PRR16: variants seen among roughly 807,000 people sequenced by gnomAD.
The protein encoded by PRR16 is protein Largen.
A neutral mutation model predicts 18.2 loss-of-function variants in PRR16; 6 were observed. The observed-to-expected ratio is 0.33, with a 90% CI of 0.18 to 0.65. PRR16 has a LOEUF of 0.65. PRR16 is among the 30% of genes least tolerant of loss of function. PRR16 has a pLI of 0.74. For synonymous variants in PRR16, 151 were observed against 147.8 expected, an observed-to-expected ratio of 1.02 and a Z score of -0.16; for missense variants, 412 against 376.6, an observed-to-expected ratio of 1.09 and a Z score of -0.78.
the PRR16 span, among the ~76,000 whole-genome samples, chr5:120,791,245 TATTA>T: frequency 1.3e-5 from 2 of 152,138 alleles, no homozygotes; most frequent in African/African-American, 4.8e-5. Flanking sequence ...GCTTTTGTCA[TATTA>T]ATTCAGAACT....
the PRR16 span, among the ~76,000 whole-genome samples, chr5:120,763,499 C>A: frequency 6.6e-6 from 1 of 152,096 alleles, no homozygotes; most frequent in Non-Finnish European, 1.5e-5. Context: ...GTGATACTTA[C>A]AGTTTTGTCC....
chr5:120,762,202 T>G, the PRR16 span, among the ~76,000 whole-genome samples: 1 of 152,180 alleles, frequency 6.6e-6, no homozygotes, highest in African/African-American at 2.4e-5. Flanking sequence ...CACTTTGATA[T>G]GTTAATTTCC....
chr5:120,763,084 G>C, the PRR16 span, among the ~76,000 whole-genome samples: 5 of 152,026 alleles, frequency 3.3e-5, no homozygotes, highest in African/African-American at 7.2e-5. Flanking sequence ...TCAGTTGGCT[G>C]TAAATATGTG....
chr5:120,738,572 A>G, the PRR16 span, among the ~76,000 whole-genome samples: 4 of 152,176 alleles, frequency 2.6e-5, no homozygotes, highest in Non-Finnish European at 4.4e-5. Flanking sequence ...TGCATGTGTT[A>G]CAAAGCCCTT....
intron 1 of PRR16, among the ~76,000 whole-genome samples, chr5:120,601,163 G>C (rs1054840405): frequency 6.6e-6 from 1 of 151,966 alleles, no homozygotes; most frequent in Non-Finnish European, 1.5e-5. Context: ...GCTTTCCACA[G>C]TGGCGGAACT....
At chr5:120,536,971 T>C (rs1033783389) in intron 1 of PRR16, among the ~76,000 whole-genome samples, 10 of 152,174 alleles carry the variant, frequency 6.6e-5, no homozygotes, top group African/African-American at 2.4e-4. Flanking sequence ...ATTTTCTCAC[T>C]TATAAGCGGG....
the PRR16 span, among the ~76,000 whole-genome samples, chr5:120,769,092 T>TA: frequency 6.6e-6 from 1 of 150,846 alleles, no homozygotes; most frequent in South Asian, 2.1e-4. Flanking sequence ...ATGCCTTTAT[T>TA]TTTTTTTTGA....
downstream of PRR16, among the ~76,000 whole-genome samples, chr5:120,688,958 T>C (rs1000478347): frequency 2.0e-5 from 3 of 152,196 alleles, no homozygotes; most frequent in African/African-American, 7.2e-5. Flanking sequence ...TGAAAGACCA[T>C]ATTTTTCTGT....
the PRR16 span, among the ~76,000 whole-genome samples, chr5:120,785,569 G>GTTTTTT: frequency 3.0e-5 from 3 of 99,652 alleles, no homozygotes; most frequent in African/African-American, 1.1e-4. Flanking sequence ...GTGTTTTGTT[G>GTTTTTT]TTGTTGTTTT....
intron 1 of PRR16, among the ~76,000 whole-genome samples, chr5:120,611,412 C>A (rs1040502226): frequency 6.6e-6 from 1 of 152,126 alleles, no homozygotes; most frequent in African/African-American, 2.4e-5. Flanking sequence ...CACAGCAGCC[C>A]CTGCCATCAC....
chr5:120,475,395 A>C (rs1749408005), intron 1 of PRR16, among the ~76,000 whole-genome samples: 1 of 151,232 alleles, frequency 6.6e-6, no homozygotes, highest in South Asian at 2.1e-4. Context: ...TTTCTCCTCT[A>C]CTTTCTGTCT....
the PRR16 span, among the ~76,000 whole-genome samples, chr5:120,704,472 T>C: frequency 6.6e-6 from 1 of 152,162 alleles, no homozygotes; most frequent in Non-Finnish European, 1.5e-5. Flanking sequence ...GATGGAGAGA[T>C]GAGCAAATCT....
At chr5:120,521,211 C>T (rs1159954611) in intron 1 of PRR16, among the ~76,000 whole-genome samples, 1 of 151,912 alleles carries the variant, frequency 6.6e-6, no homozygotes, top group Non-Finnish European at 1.5e-5. Context: ...TTGCCTTTGG[C>T]TCGGGACAAG....
At chr5:120,653,191 C>G (rs1755849922) in intron 1 of PRR16, among the ~76,000 whole-genome samples, 1 of 151,610 alleles carries the variant, frequency 6.6e-6, no homozygotes, top group Non-Finnish European at 1.5e-5. Flanking sequence ...CTGTGGTATT[C>G]AGATTCTTGG....
intron 1 of PRR16, among the ~76,000 whole-genome samples, chr5:120,496,940 T>G (rs1186772670): frequency 3.3e-5 from 5 of 152,174 alleles, no homozygotes; most frequent in African/African-American, 9.6e-5. Context: ...TTAATTTTCC[T>G]TGAGATTTAT....
chr5:120,753,006 G>T, the PRR16 span, among the ~76,000 whole-genome samples: 2 of 151,694 alleles, frequency 1.3e-5, no homozygotes, highest in African/African-American at 4.8e-5. Flanking sequence ...GTCACACTAA[G>T]GATTTTTTAT....
At chr5:120,581,034 A>T (rs1288614457) in intron 1 of PRR16, among the ~76,000 whole-genome samples, 1 of 152,180 alleles carries the variant, frequency 6.6e-6, no homozygotes. Context: ...TGCTGGCTTT[A>T]TAAAATTAGT....
chr5:120,718,110 A>G, the PRR16 span, among the ~76,000 whole-genome samples: 4 of 152,144 alleles, frequency 2.6e-5, no homozygotes, highest in African/African-American at 9.7e-5. Context: ...GAGTTTCAAA[A>G]ATATCATAAT....
intron 1 of PRR16, among the ~76,000 whole-genome samples, chr5:120,601,534 T>C (rs930436421): frequency 2.0e-5 from 3 of 152,056 alleles, no homozygotes; most frequent in Non-Finnish European, 4.4e-5. Flanking sequence ...ACTCTGTTGA[T>C]AGTTTCTTTG....
Sources: gnomAD v4.1 joint callset for allele counts (sites outside exome capture counted in the v4.1 genomes callset) on GRCh38, gnomAD v4.1.1 for gene constraint, MANE v1.5 for transcripts, NCBI Gene and HGNC (gene_info 2026-07-23, HGNC 2026-07-21) for gene names.